The following ZSCAN18 variants were observed in gnomAD, a reference collection of about 807,000 sequenced individuals.
ZSCAN18 encodes zinc finger and SCAN domain containing 18.
Under a neutral mutation model 31.1 loss-of-function variants are expected in ZSCAN18, and 16 were observed. The ratio of observed to expected loss-of-function variants is 0.51; its 90% CI spans 0.35 to 0.78. The LOEUF (loss-of-function observed/expected upper bound fraction) is 0.78. ZSCAN18 is among the 30% of genes least tolerant of loss of function. ZSCAN18 has a pLI of 0.01. For missense variants in ZSCAN18, 731 were observed against 697.4 expected (o/e 1.05, Z -0.54); for synonymous variants, 375 against 320.7 (o/e 1.17, Z -1.81).
Position 58,106,231 on chromosome 19 carries a change from G to A in ZSCAN18, c.130+12036C>T, listed in dbSNP as rs371208350. Among the ~76,000 whole-genome samples, 13 of 152,016 alleles carry A rather than the reference G, an allele frequency of 8.6e-5. No homozygotes were observed. In the East Asian group the frequency reaches 9.7e-4, roughly 11 times the overall value. On this transcript the variant is annotated intron_variant, in intron 1 of 1. Coordinates refer to the ZSCAN18 transcript ENST00000595721. ...AGCTTGAGCAATATGGTGAGATGCC[G>A]TCTCTACAAAACATAAAAAAAATTA... is the stretch of plus-strand genomic sequence containing the variant.
chr19:58,111,545 A>G (rs545803122), intron 1 of ZSCAN18, among the ~76,000 whole-genome samples: 81 of 151,834 alleles, frequency 5.3e-4, no homozygotes, highest in South Asian at 1.9e-3. Flanking sequence ...TTTTTTTTTA[A>G]ATAGAGACAT....
At chr19:58,101,989 G>A (rs955256198), upstream of ZSCAN18, among the ~76,000 whole-genome samples, 1 of 152,014 alleles carries the variant, frequency 6.6e-6, no homozygotes, top group African/African-American at 2.4e-5. Context: ...ACACTTAAAT[G>A]AGCACCTATT....
chr19:58,113,102 T>C lies in ZSCAN18; in HGVS notation c.130+5165A>G, dbSNP rs571185891. The stretch of plus-strand genomic sequence containing the variant: ...AGGCCGAGGCAGGCAGATCACGAGG[T>C]CAGGAGATCGAGACCATCCTGGCTA... On this transcript the variant is annotated intron_variant, in intron 1 of 1. Transcript: ENST00000595721. Among the ~76,000 whole-genome samples the C allele has an allele frequency of 2.6e-5, 4 of 151,128 alleles. No individual in the cohort carries two copies. In the East Asian group the frequency reaches 7.8e-4, roughly 30 times the overall value.
chr19:58,086,083 C>A lies in ZSCAN18; in HGVS notation c.838+91G>T, dbSNP rs2074273891. 18 of 1,082,628 alleles carry A rather than the reference C, an allele frequency of 1.7e-5. 2 individuals are homozygous for A. In the South Asian group the frequency reaches 2.4e-4, roughly 14 times the overall value. The allele number at this position is 1,082,628 out of a possible 1,614,324, so 67.1% of individuals were successfully genotyped here. A position where few individuals can be genotyped will look rare whatever the true frequency, so the allele number is the denominator to read the frequency against. ...GAAGCAGTCAATGCTGAGGTCTTTG[C>A]TGGGGCTGATGGCGCTGGGAGGGGC... On this transcript the variant is annotated intron_variant, in intron 6 of 6. Transcript: ENST00000601144.
intron 1 of ZSCAN18, among the ~76,000 whole-genome samples, chr19:58,115,865 T>G (rs1002035618): frequency 2.6e-5 from 4 of 152,094 alleles, no homozygotes; most frequent in Non-Finnish European, 5.9e-5. Context: ...TTTGAAAACC[T>G]ACAGGCTAGA....
chr19:58,108,017 C>T (rs929347177), intron 1 of ZSCAN18: 2 of 1,024,468 alleles, frequency 2.0e-6, no homozygotes, highest in South Asian at 4.3e-5. Context: ...CAGACCTTCT[C>T]ACCAGTATGA....
At chr19:58,092,799 G>A in intron 1 of ZSCAN18, 3 of 779,878 alleles carry the variant, frequency 3.8e-6, no homozygotes, top group South Asian at 5.8e-5. Context: ...TTAAACACAG[G>A]GTCTTACTCT....
Position 58,087,386 on chromosome 19 carries a change from G to T in ZSCAN18, c.572C>A (p.Pro191His). Reference sequence around the variant, plus strand: ...GACCCTCCTCTGTTCCAGAAACAGGGGGTCCGGAGAAAGCCAGGCTGGGGA... The same window carrying T: ...GACCCTCCTCTGTTCCAGAAACAGGTGGTCCGGAGAAAGCCAGGCTGGGGA... The part of the protein sequence containing the change: ...PSETPWLSPD[P>H]LFLEQRRVRE... Residue 191 changes from proline (P) to histidine (H), a missense_variant, in exon 4 of 7, where the codon CCC becomes CAC. Pro to His is a moderately conservative substitution (Grantham distance 77). Transcript: ENST00000601144. The T allele has an allele frequency of 3.1e-6, 5 of 1,602,208 alleles. No homozygotes were observed. Among genetic ancestry groups the T allele is most frequent in the Admixed American group, 3.4e-5 (2 of 58,522 alleles).
At chr19:58,118,167 G>A in intron 1 of ZSCAN18, 1 of 513,378 alleles carries the variant, frequency 1.9e-6, no homozygotes, top group Middle Eastern at 3.3e-4. Context: ...CCCCTAACAA[G>A]CCCCTGCCCA....
chr19:58,087,443 C>A, intron 3 of ZSCAN18, 39 bp from the exon 4 acceptor site: 1 of 1,559,934 alleles, frequency 6.4e-7, no homozygotes, highest in Non-Finnish European at 8.7e-7. Context: ...CAATGAGCTC[C>A]CTGTGGCCAG....
upstream of ZSCAN18, among the ~76,000 whole-genome samples, chr19:58,101,664 T>C (rs12984015): frequency 0.56 from 84,907 of 151,134 alleles, 25,748 homozygotes; most frequent in Non-Finnish European, 0.68. Flanking sequence ...GGATTACAGG[T>C]ATGTGCTACC....
intron 1 of ZSCAN18, chr19:58,109,075 A>G (rs570691350): frequency 8.2e-7 from 1 of 1,226,868 alleles, no homozygotes. Context: ...CATGGTGACC[A>G]CAGCCCCTCA....
chr19:58,114,855 G>C (rs560175384), intron 1 of ZSCAN18, among the ~76,000 whole-genome samples: 41 of 152,278 alleles, frequency 2.7e-4, no homozygotes, highest in Non-Finnish European at 5.1e-4. Flanking sequence ...ATGCCTCCTG[G>C]AGAGATATTC....
chr19:58,116,189 A>C (rs1426732068), intron 1 of ZSCAN18, among the ~76,000 whole-genome samples: 1 of 147,524 alleles, frequency 6.8e-6, no homozygotes, highest in East Asian at 2.0e-4. Context: ...ATCACAAAGG[A>C]AAAAACTCTA....
intron 1 of ZSCAN18, among the ~76,000 whole-genome samples, chr19:58,104,308 G>A (rs1052742256): frequency 1.1e-4 from 16 of 152,042 alleles, no homozygotes; most frequent in Admixed American, 6.6e-5. Context: ...GAACCTGGGA[G>A]GCGAAGGTTG....
rs752915846 is a variant in ZSCAN18, at chr19:58,090,110, CG to C, written c.157del (p.Arg53GlyfsTer26). The C allele has an allele frequency of 6.2e-7, 1 of 1,613,818 alleles. No homozygotes were observed. Among genetic ancestry groups the C allele is most frequent in the Non-Finnish European group, 8.5e-7 (1 of 1,179,892 alleles). The stretch of plus-strand genomic sequence containing the variant: ...GGCAGCCTCCTGGTAGACAAATTCC[CG>C]GAAACGCAGGCGGGAGAACTCCAGG... Reference protein sequence around the residue: ...ADLEFSRLRFREFVYQEAAGP... With the variant: ...ADLEFSRLRFXEFVYQEAAGP... On this transcript the variant is annotated frameshift_variant, in exon 2 of 7. Coordinates refer to ENST00000601144, the MANE Select transcript of ZSCAN18 (RefSeq NM_001145543.2). LOFTEE classifies it high-confidence loss of function. This position sits in a 1 kb window ranked among gnomAD's most constrained non-coding sequence, Gnocchi z 4.7.
intron 1 of ZSCAN18, among the ~76,000 whole-genome samples, chr19:58,105,364 A>C (rs762739676): frequency 2.0e-4 from 30 of 152,178 alleles, no homozygotes; most frequent in Non-Finnish European, 4.0e-4. Flanking sequence ...CAGTCTTCTT[A>C]TTTAAGAATG....
intron 6 of ZSCAN18, 173 bp from the exon 7 acceptor site, chr19:58,085,552 T>G: frequency 1.7e-6 from 1 of 594,828 alleles, no homozygotes; most frequent in Non-Finnish European, 2.8e-6. Context: ...CTGCAGCGCA[T>G]GCCCCGCGCC....
In ZSCAN18 at chr19:58,084,920, C is replaced by CT; in HGVS notation, c.1297dup (p.Ser433LysfsTer57). 6.3e-7 allele frequency: 1 copy of CT among 1,596,140 alleles called. No individual in the cohort carries two copies. The highest frequency in any genetic ancestry group is 1.1e-5 in the South Asian group (1 of 88,688). On this transcript the variant is annotated frameshift_variant, in exon 7 of 7. Transcript: ENST00000601144. LOFTEE classifies it low-confidence loss of function (END_TRUNC). The surrounding 1 kb of genome is among the most constrained non-coding windows in gnomAD (Gnocchi z 4.5). ...GTAGCGCTTCCGGCCGCCATGGCTG[C>CT]TGTGGTGCTCCATCAGGTGCGAGAG...
Sources: allele counts gnomAD v4.1 joint callset (sites outside exome capture counted in the v4.1 genomes callset), GRCh38; gene constraint gnomAD v4.1.1; non-coding constraint Gnocchi (gnomAD v3.1); transcripts MANE v1.5; gene names NCBI Gene and HGNC (gene_info 2026-07-23, HGNC 2026-07-21).